CAMK1D: variants seen among roughly 807,000 people sequenced by gnomAD.
CAMK1D encodes the protein calcium/calmodulin dependent protein kinase ID.
In CAMK1D, 9 loss-of-function variants were observed where a neutral mutation model predicts 47.7. That is an observed-to-expected ratio of 0.19 (90% CI 0.11 to 0.33). CAMK1D has a LOEUF of 0.33. Ranked by LOEUF, CAMK1D falls within the 10% of genes least tolerant of loss-of-function variation. The pLI, the probability that CAMK1D is intolerant of heterozygous loss-of-function variation, is 1.00. For synonymous variants in CAMK1D, 184 were observed against 184.9 expected, an observed-to-expected ratio of 0.99 and a Z score of 0.04; for missense variants, 291 against 488.7, an observed-to-expected ratio of 0.60 and a Z score of 3.81.
Position 12,825,670 on chromosome 10 carries a change from G to A in CAMK1D, c.1019G>A (p.Ser340Asn). ...SSNASVSSSL[S>N]LASQKDCLAP... Reference sequence around the variant, plus strand: ...AATGCAAGTGTTTCGAGCAGCCTCAGTTTGGCCAGCCAAAAAGACTGTGCG... The same window carrying A: ...AATGCAAGTGTTTCGAGCAGCCTCAATTTGGCCAGCCAAAAAGACTGTGCG... Residue 340 changes from serine to asparagine, a missense_variant, in exon 10 of 11, where the codon AGT becomes AAT. By Grantham distance (46) the Ser-to-Asn change is conservative. This residue lies in a region of CAMK1D where 72 missense variants were observed against 64.4 expected (regional missense o/e 1.12). Coordinates refer to ENST00000619168, the MANE Select transcript of CAMK1D (RefSeq NM_153498.4). 1 of 1,614,258 alleles carries A rather than the reference G, an allele frequency of 6.2e-7. No individual in the cohort carries two copies. The highest frequency in any genetic ancestry group is 1.1e-5 in the South Asian group (1 of 91,084).
intron 1 of CAMK1D, among the ~76,000 whole-genome samples, chr10:12,522,076 T>C (rs1054769955): frequency 2.6e-5 from 4 of 151,968 alleles, no homozygotes; most frequent in African/African-American, 9.7e-5. Context: ...CTCTAATTAT[T>C]ATTAGAGTAA....
intron 3 of CAMK1D, among the ~76,000 whole-genome samples, chr10:12,719,478 C>T (rs1044676201): frequency 3.3e-5 from 5 of 152,080 alleles, no homozygotes; most frequent in African/African-American, 1.2e-4. Flanking sequence ...ATGCACCACC[C>T]TAGGTCTCTT....
At chr10:12,466,267 A>C (rs576780876) in intron 1 of CAMK1D, among the ~76,000 whole-genome samples, 1 of 152,040 alleles carries the variant, frequency 6.6e-6, no homozygotes, top group Non-Finnish European at 1.5e-5. Flanking sequence ...AATTAGCTGG[A>C]TGTGGTGGTG....
intron 2 of CAMK1D, among the ~76,000 whole-genome samples, chr10:12,560,552 T>A (rs1229287142): frequency 9.4e-6 from 1 of 105,942 alleles, no homozygotes. Context: ...AAACTCTATC[T>A]CGGAAAAAAA....
chr10:12,615,847 G>T (rs1319017208), intron 2 of CAMK1D, among the ~76,000 whole-genome samples: 1 of 112,586 alleles, frequency 8.9e-6, no homozygotes, highest in African/African-American at 2.9e-5. Flanking sequence ...TGTGTGTATA[G>T]GTGTAGGTGT....
In CAMK1D at chr10:12,552,888, C is replaced by T. The variant is rs545933560; in HGVS notation, c.93-337C>T. 2.5e-4 allele frequency among the ~76,000 whole-genome samples: 38 copies of T among 152,270 alleles called. 1 individual carries two copies. The highest frequency in any genetic ancestry group is 5.9e-4 in the Admixed American group (9 of 15,290). ...TCCCAAGTAGCTGGAATTACAGGTG[C>T]GTGCCACCACCTCTGGCTAATTTTT... On this transcript the variant is annotated intron_variant, in intron 1 of 10. Transcript: ENST00000619168.
At chr10:12,418,318 G>A in intron 1 of CAMK1D, among the ~76,000 whole-genome samples, 1 of 152,220 alleles carries the variant, frequency 6.6e-6, no homozygotes, top group East Asian at 1.9e-4. Context: ...ATTAGAGATG[G>A]AGATGGGCTG....
intron 2 of CAMK1D, among the ~76,000 whole-genome samples, chr10:12,665,812 A>G (rs763271269): frequency 3.5e-4 from 53 of 152,226 alleles, no homozygotes; most frequent in Non-Finnish European, 6.8e-4. Context: ...CAGTACCGAT[A>G]TCTCCTGGGA....
chr10:12,710,867 A>G (rs1447095467), intron 3 of CAMK1D, among the ~76,000 whole-genome samples: 2 of 152,226 alleles, frequency 1.3e-5, no homozygotes, highest in African/African-American at 4.8e-5. Flanking sequence ...GGGTATATAA[A>G]AAGTTATCCA....
rs1432019730 is a variant in CAMK1D, at chr10:12,823,112, G to A, written c.834-1353G>A. Among the ~76,000 whole-genome samples, 3 of 152,232 alleles carry A rather than the reference G, an allele frequency of 2.0e-5. No homozygotes were observed. The East Asian group carries it at 5.8e-4, about 29-fold the overall frequency. ...CCTGATGGGAAAGAAAGTCTGGCTG[G>A]TATTCTCTCTTGTCTGAATATGCCT... On this transcript the variant is annotated intron_variant, in intron 8 of 10. Transcript: ENST00000619168.
chr10:12,805,596 C>T (rs1388997281), intron 6 of CAMK1D, among the ~76,000 whole-genome samples: 1 of 152,102 alleles, frequency 6.6e-6, no homozygotes, highest in East Asian at 1.9e-4. Context: ...TCTCAAACTC[C>T]TGACCTCAAG....
rs56165416 is a variant in CAMK1D at position 12,801,354 on chromosome 10, TTATCTATC to T, written c.641+10154_641+10161del. Among the ~76,000 whole-genome samples, 164 of 66,542 alleles carry T rather than the reference TTATCTATC, an allele frequency of 2.5e-3. 2 individuals are homozygous for T. Among genetic ancestry groups the T allele is most frequent in the East Asian group, 0.012 (24 of 2,006 alleles). The allele number at this position is 66,542 out of a possible 152,430, so 43.7% of individuals were successfully genotyped here. ...CTATCTATCTATCTATCTATCTATC[TTATCTATC>T]TATCTATCTATCTATCTATCTATCT... On this transcript the variant is annotated intron_variant, in intron 6 of 10. Transcript: ENST00000619168.
intron 8 of CAMK1D, among the ~76,000 whole-genome samples, chr10:12,818,298 C>A (rs914838245): frequency 6.6e-6 from 1 of 152,168 alleles, no homozygotes; most frequent in Admixed American, 6.5e-5. Flanking sequence ...CAGCACTGGG[C>A]TAATTGCTCT....
chr10:12,642,327 C>A (rs1839690638), intron 2 of CAMK1D, among the ~76,000 whole-genome samples: 1 of 152,148 alleles, frequency 6.6e-6, no homozygotes, highest in Non-Finnish European at 1.5e-5. Flanking sequence ...TGTAAGTGTT[C>A]AGTGGATGAT....
intron 6 of CAMK1D, among the ~76,000 whole-genome samples, chr10:12,801,261 C>CCA (rs879859484): frequency 0.014 from 2,110 of 151,286 alleles, 53 homozygotes; most frequent in East Asian, 0.08. Flanking sequence ...ATCCATCCAT[C>CCA]TGTCCGTCCA....
chr10:12,666,974 G>A (rs45524938), intron 3 of CAMK1D, 164 bp downstream of exon 3: 194 of 618,466 alleles, frequency 3.1e-4, no homozygotes, highest in Admixed American at 4.7e-4. Context: ...AAAGACGGTG[G>A]GCTGCACACA....
intron 3 of CAMK1D, among the ~76,000 whole-genome samples, chr10:12,721,497 A>T (rs1834373987): frequency 7.0e-6 from 1 of 143,026 alleles, no homozygotes; most frequent in Non-Finnish European, 1.5e-5. Context: ...GTGTTCTTTC[A>T]CTGGCTACCA....
At chr10:12,534,278 C>T (rs897823114) in intron 1 of CAMK1D, among the ~76,000 whole-genome samples, 3 of 152,284 alleles carry the variant, frequency 2.0e-5, no homozygotes, top group East Asian at 1.9e-4. Flanking sequence ...GGCGCAATCT[C>T]GGCTCACTGC....
At chr10:12,781,849 T>C (rs1024054418) in intron 5 of CAMK1D, among the ~76,000 whole-genome samples, 5 of 152,072 alleles carry the variant, frequency 3.3e-5, no homozygotes, top group Non-Finnish European at 7.4e-5. Flanking sequence ...GGTTTTACCA[T>C]GTTGGCCAGG....
Sources: gnomAD v4.1 joint callset for allele counts (sites outside exome capture counted in the v4.1 genomes callset) on GRCh38, gnomAD v4.1.1 for gene constraint, gnomAD v4.1.1 regional missense constraint, MANE v1.5 for transcripts, NCBI Gene and HGNC (gene_info 2026-07-23, HGNC 2026-07-21) for gene names.